Variants in AGBL4 observed in about 807,000 individuals in gnomAD.
The protein encoded by AGBL4 is cytosolic carboxypeptidase 6.
A neutral mutation model predicts 66.4 loss-of-function variants in AGBL4; 58 were observed. The ratio of observed to expected loss-of-function variants is 0.87; its 90% CI spans 0.71 to 1.09. The LOEUF (loss-of-function observed/expected upper bound fraction) is 1.09. Ranked by LOEUF, AGBL4 falls within the 50% of genes least tolerant of loss-of-function variation. The pLI, the probability that AGBL4 is intolerant of heterozygous loss-of-function variation, is 0.00. For synonymous variants in AGBL4, 234 were observed against 222.9 expected (o/e 1.05, Z -0.44); for missense variants, 579 against 631.0 (o/e 0.92, Z 0.88).
intron 3 of AGBL4, among the ~76,000 whole-genome samples, chr1:49,497,804 A>C (rs1647744383): frequency 6.6e-6 from 1 of 151,996 alleles, no homozygotes; most frequent in Non-Finnish European, 1.5e-5. Flanking sequence ...AAAATCATGT[A>C]GTGTGATGCC....
rs1371519235 is a variant in AGBL4 at position 49,250,860 on chromosome 1, G to A, written c.283-4996C>T. The stretch of plus-strand genomic sequence containing the variant: ...ACCACCATGGACAATTGAGGTGGCA[G>A]GGAGAGCTGCTTTGAGAAGTGGTAG... On this transcript the variant is annotated intron_variant, in intron 3 of 13. Coordinates refer to ENST00000371839, the MANE Select transcript of AGBL4 (RefSeq NM_032785.4). Among the ~76,000 whole-genome samples, 4 of 152,162 alleles carry A rather than the reference G, an allele frequency of 2.6e-5. No individual in the cohort carries two copies. In the East Asian group the frequency reaches 7.7e-4, roughly 29 times the overall value.
In AGBL4 at chr1:49,792,772, G is replaced by A. The variant is rs556255236; in HGVS notation, c.157+58624C>T. Among the ~76,000 whole-genome samples, 7 of 151,924 alleles carry A rather than the reference G, an allele frequency of 4.6e-5. No homozygotes were observed. The South Asian group carries it at 1.5e-3, about 32-fold the overall frequency. ...CATCCAACCTCCAAACTGTCTCAAG[G>A]GCAATGGTTCTGGCAAAAAGGTAAG... is the stretch of plus-strand genomic sequence containing the variant. On this transcript the variant is annotated intron_variant, in intron 2 of 13. Transcript: ENST00000371839.
intron 1 of AGBL4, among the ~76,000 whole-genome samples, chr1:49,981,981 G>A (rs571949587): frequency 3.9e-5 from 6 of 152,298 alleles, no homozygotes; most frequent in East Asian, 1.9e-4. Flanking sequence ...GATCCAGAGC[G>A]TAACTCTTGA....
intron 5 of AGBL4, among the ~76,000 whole-genome samples, chr1:48,945,233 C>T (rs142425497): frequency 6.6e-6 from 1 of 152,276 alleles, no homozygotes; most frequent in African/African-American, 2.4e-5. Context: ...ATATACACAT[C>T]ATATTTTCCT....
At chr1:49,007,940 C>T (rs898132993) in intron 5 of AGBL4, among the ~76,000 whole-genome samples, 5 of 151,670 alleles carry the variant, frequency 3.3e-5, no homozygotes, top group African/African-American at 9.7e-5. Flanking sequence ...AATGTAAAGA[C>T]CATCAAGACT....
chr1:48,790,168 A>G (rs1163815970), intron 6 of AGBL4, among the ~76,000 whole-genome samples: 1 of 152,166 alleles, frequency 6.6e-6, no homozygotes, highest in Non-Finnish European at 1.5e-5. Flanking sequence ...TTGTTTGGAT[A>G]AGTCACAGCA....
intron 5 of AGBL4, among the ~76,000 whole-genome samples, chr1:48,995,972 T>C (rs1396258465): frequency 2.0e-5 from 3 of 152,032 alleles, no homozygotes; most frequent in African/African-American, 7.2e-5. Context: ...AGTCCAAACA[T>C]ATAATAGTGA....
chr1:49,215,995 C>T (rs1474485323), intron 4 of AGBL4, among the ~76,000 whole-genome samples: 1 of 152,098 alleles, frequency 6.6e-6, no homozygotes, highest in East Asian at 1.9e-4. Flanking sequence ...CATCTGAGAT[C>T]TGCAAGCATA....
At chr1:49,975,954 TCA>T (rs1296991876) in intron 1 of AGBL4, among the ~76,000 whole-genome samples, 1 of 152,200 alleles carries the variant, frequency 6.6e-6, no homozygotes, top group Non-Finnish European at 1.5e-5. Flanking sequence ...TAACATGTCT[TCA>T]CAGTCTTCCT....
At chr1:49,159,208 TC>T (rs1334813920) in intron 4 of AGBL4, among the ~76,000 whole-genome samples, 1 of 152,082 alleles carries the variant, frequency 6.6e-6, no homozygotes, top group Non-Finnish European at 1.5e-5. Context: ...TACTAGTTTT[TC>T]CTTTCCATAT....
chr1:49,079,026 C>T (rs373251948), intron 4 of AGBL4, among the ~76,000 whole-genome samples: 8 of 152,304 alleles, frequency 5.3e-5, no homozygotes, highest in African/African-American at 7.2e-5. Flanking sequence ...CACCAGCAAT[C>T]TTGAAACATA....
At chr1:48,610,623 C>T (rs940778292) in intron 9 of AGBL4, among the ~76,000 whole-genome samples, 15 of 152,174 alleles carry the variant, frequency 9.9e-5, no homozygotes, top group African/African-American at 3.4e-4. Flanking sequence ...TGCTATGTTC[C>T]ATCTTCCTTG....
intron 2 of AGBL4, among the ~76,000 whole-genome samples, chr1:49,808,276 G>C (rs965124040): frequency 6.6e-6 from 1 of 152,154 alleles, no homozygotes; most frequent in African/African-American, 2.4e-5. Context: ...ATCAGCCACA[G>C]AGCCTTGAAG....
At chr1:48,882,556 C>A (rs770165522) in intron 5 of AGBL4, among the ~76,000 whole-genome samples, 12 of 151,878 alleles carry the variant, frequency 7.9e-5, no homozygotes, top group Admixed American at 1.3e-4. Context: ...ATGTCCTTAC[C>A]ACAAAAAAAG....
At chr1:49,456,360 C>T (rs190887044) in intron 3 of AGBL4, among the ~76,000 whole-genome samples, 4 of 151,844 alleles carry the variant, frequency 2.6e-5, no homozygotes, top group Admixed American at 2.0e-4. Flanking sequence ...TCATTGTATG[C>T]ACGAACAGCT....
chr1:49,530,323 G>T (rs1164823877), intron 3 of AGBL4, among the ~76,000 whole-genome samples: 2 of 135,880 alleles, frequency 1.5e-5, no homozygotes, highest in Non-Finnish European at 3.1e-5. Flanking sequence ...TACGTTTGAG[G>T]GTACATGTGC....
intron 5 of AGBL4, among the ~76,000 whole-genome samples, chr1:48,970,172 T>G (rs1658789500): frequency 6.6e-6 from 1 of 152,126 alleles, no homozygotes; most frequent in African/African-American, 2.4e-5. Context: ...CTGTTATTAA[T>G]GAGGTCAGCA....
intron 3 of AGBL4, among the ~76,000 whole-genome samples, chr1:49,247,347 T>G (rs545732339): frequency 6.6e-6 from 1 of 152,250 alleles, no homozygotes; most frequent in South Asian, 2.1e-4. Flanking sequence ...AACTTGTGTT[T>G]TCCTTTCTCC....
Position 49,851,484 on chromosome 1 carries a change from C to G in AGBL4, c.69G>C (p.Gly23=). The G allele has an allele frequency of 6.5e-7, 1 of 1,550,046 alleles. No individual in the cohort carries two copies. The highest frequency in any genetic ancestry group is 2.5e-5 in the East Asian group (1 of 40,792). The change falls in exon 2 of 14, where the codon GGG becomes GGC. Residue 23 remains glycine, a synonymous_variant. Transcript: ENST00000371839. ...GAAGCACTATATATTTGCTCACATT[C>G]CCTCCAATGGCATCATCATTTCCCA... The part of the protein sequence containing the change: ...NDMGNDDAIG[G]NVSKYIVLPT...
Sources: allele counts gnomAD v4.1 joint callset (sites outside exome capture counted in the v4.1 genomes callset), GRCh38; gene constraint gnomAD v4.1.1; transcripts MANE v1.5; gene names NCBI Gene and HGNC (gene_info 2026-07-23, HGNC 2026-07-21).